The following SRGAP2B variants were observed in gnomAD, a reference collection of about 807,000 sequenced individuals.
SRGAP2B encodes SLIT-ROBO Rho GTPase-activating protein 2B.
In SRGAP2B, 9 loss-of-function variants were observed where a neutral mutation model predicts 22.2. The ratio of observed to expected loss-of-function variants is 0.41; its 90% CI spans 0.24 to 0.71. The LOEUF (loss-of-function observed/expected upper bound fraction) is 0.71. Among genes scored for constraint, SRGAP2B ranks in the 30% least tolerant of loss-of-function variants. The pLI, the probability that SRGAP2B is intolerant of heterozygous loss-of-function variation, is 0.35. For missense variants in SRGAP2B, 114 were observed against 235.8 expected (o/e 0.48, Z 3.38); for synonymous variants, 36 against 87.4 (o/e 0.41, Z 3.28).
intron 3 of SRGAP2B, among the ~76,000 whole-genome samples, chr1:144,957,022 A>T (rs1335033618): frequency 6.6e-6 from 1 of 150,728 alleles, no homozygotes; most frequent in African/African-American, 2.5e-5. Flanking sequence ...TAGACTAAAA[A>T]TTTTTAAACA....
At chr1:144,962,985 C>T (rs1336756237) in intron 3 of SRGAP2B, among the ~76,000 whole-genome samples, 1 of 150,900 alleles carries the variant, frequency 6.6e-6, no homozygotes, top group East Asian at 1.9e-4. Context: ...CCACAACCCA[C>T]ATCTTATCCT....
intron 4 of SRGAP2B, among the ~76,000 whole-genome samples, chr1:144,954,599 G>T (rs1396870083): frequency 6.6e-6 from 1 of 150,578 alleles, no homozygotes; most frequent in Non-Finnish European, 1.5e-5. Context: ...GGCCTTCACC[G>T]CTGTCTGTAA....
exon 10 of SRGAP2B, chr1:144,889,249 C>A (rs1339671390): frequency 6.7e-6 from 1 of 148,938 alleles, no homozygotes; most frequent in African/African-American, 2.6e-5. Context: ...GCTGCCATAT[C>A]TGGCCTATTT....
At chr1:144,957,988 A>C (rs1173214549) in intron 3 of SRGAP2B, among the ~76,000 whole-genome samples, 2 of 149,862 alleles carry the variant, frequency 1.3e-5, no homozygotes, top group Admixed American at 6.6e-5. Context: ...ATACACACAA[A>C]TAATGCCACA....
At chr1:144,988,998 ACT>A (rs1491113629) in intron 3 of SRGAP2B, among the ~76,000 whole-genome samples, 66 of 55,262 alleles carry the variant, frequency 1.2e-3, no homozygotes, top group African/African-American at 2.3e-3. Context: ...CACTCCCCCC[ACT>A]TTTTTTTTTT....
At chr1:144,893,977 T>C (rs1662245960) in intron 8 of SRGAP2B, among the ~76,000 whole-genome samples, 1 of 143,212 alleles carries the variant, frequency 7.0e-6, no homozygotes, top group Non-Finnish European at 1.5e-5. Context: ...ATCCAGGCCA[T>C]GCATGAGAGC....
At chr1:145,080,182 C>G (rs1652798776) in intron 2 of SRGAP2B, among the ~76,000 whole-genome samples, 3 of 149,530 alleles carry the variant, frequency 2.0e-5, no homozygotes, top group African/African-American at 5.1e-5. Flanking sequence ...CTCTAGAAGT[C>G]TCTGAGCTTA....
At chr1:144,925,620 G>T (rs1251617576) in intron 4 of SRGAP2B, among the ~76,000 whole-genome samples, 3 of 139,022 alleles carry the variant, frequency 2.2e-5, no homozygotes, top group African/African-American at 8.9e-5. Context: ...CTCCAGCCTG[G>T]GTGACAGAGC....
At chr1:145,093,675 C>A (rs1406238860) in intron 1 of SRGAP2B, among the ~76,000 whole-genome samples, 1 of 146,370 alleles carries the variant, frequency 6.8e-6, no homozygotes, top group Non-Finnish European at 1.5e-5. Context: ...GGGCTCCGGG[C>A]GGGAACTGCA....
rs1269223089 is a variant in SRGAP2B, at chr1:144,924,501, G to T, written c.424-9747C>A. On this transcript the variant is annotated intron_variant, in intron 4 of 9. Coordinates refer to ENST00000612199, the Ensembl canonical transcript of SRGAP2B. ...CACGCCTGTAATCCCAGCACTTTGG[G>T]AGGCCGAGGCGGGCGGATCACGAGG... 1.2e-3 allele frequency among the ~76,000 whole-genome samples: 178 copies of T among 149,924 alleles called. 1 individual carries two copies. The highest frequency in any genetic ancestry group is 4.2e-3 in the African/African-American group (170 of 40,048).
In SRGAP2B at chr1:144,905,402, G is replaced by A. The variant is rs1216417200; in HGVS notation, c.703-183C>T. On this transcript the variant is annotated intron_variant, in intron 6 of 9. Coordinates refer to ENST00000612199, the Ensembl canonical transcript of SRGAP2B. ...AAGGGCACAATGTAGATCAATTCAGGAAAGGTTAATGAGGCTCCCTACTTA... is the reference window on the plus strand; with the variant it reads ...AAGGGCACAATGTAGATCAATTCAGAAAAGGTTAATGAGGCTCCCTACTTA... 2.7e-5 allele frequency among the ~76,000 whole-genome samples: 4 copies of A among 149,898 alleles called. 1 individual carries two copies. The highest frequency in any genetic ancestry group is 5.9e-5 in the Non-Finnish European group (4 of 67,808).
At chr1:144,998,654 G>T (rs1239725417) in intron 2 of SRGAP2B, among the ~76,000 whole-genome samples, 2 of 150,624 alleles carry the variant, frequency 1.3e-5, no homozygotes, top group Non-Finnish European at 2.9e-5. Flanking sequence ...GAATGAAGAA[G>T]GAAAAAGAAG....
intron 3 of SRGAP2B, among the ~76,000 whole-genome samples, chr1:144,963,018 T>C (rs1447842414): frequency 2.0e-5 from 3 of 150,792 alleles, no homozygotes; most frequent in Non-Finnish European, 4.4e-5. Flanking sequence ...TGTGTGTACA[T>C]TGGCTTGGAT....
At chr1:144,983,586 TAATTTAATATTAGTGAAA>T (rs1669472338) in intron 3 of SRGAP2B, among the ~76,000 whole-genome samples, 1 of 75,726 alleles carries the variant, frequency 1.3e-5, no homozygotes, top group Non-Finnish European at 2.5e-5. Flanking sequence ...GATATTCTGC[TAATTTAATATTAGTGAAA>T]ATAGGAGATT....
intron 2 of SRGAP2B, among the ~76,000 whole-genome samples, chr1:145,068,261 A>G (rs540871): frequency 6.7e-5 from 10 of 148,328 alleles, no homozygotes; most frequent in Admixed American, 1.3e-4. Flanking sequence ...GGACTTCCTC[A>G]GTCTTGTTAA....
At chr1:144,911,723 T>C (rs1277675076) in intron 5 of SRGAP2B, among the ~76,000 whole-genome samples, 1 of 148,254 alleles carries the variant, frequency 6.7e-6, no homozygotes, top group Admixed American at 6.7e-5. Context: ...GTTCATGCCA[T>C]TCTCCTGCCT....
In SRGAP2B at chr1:144,894,117, A is replaced by ATC. The variant is rs1409454975; in HGVS notation, c.1054-610_1054-609dup. ...CATCATTTTACCAGGCCTTCCCTAGATCTGTAAGAGAGGAGTCTGACCTTC... is the reference window on the plus strand; with the variant it reads ...CATCATTTTACCAGGCCTTCCCTAGATCTCTGTAAGAGAGGAGTCTGACCTTC... On this transcript the variant is annotated intron_variant, in intron 8 of 9. Transcript: ENST00000612199. 7.5e-5 allele frequency among the ~76,000 whole-genome samples: 10 copies of ATC among 133,586 alleles called. No individual in the cohort carries two copies. The East Asian group carries it at 2.1e-3, about 28-fold the overall frequency. The allele number at this position is 133,586 out of a possible 152,430, so 87.6% of individuals were successfully genotyped here. A position where few individuals can be genotyped will look rare whatever the true frequency, so the allele number is the denominator to read the frequency against.
chr1:144,994,579 A>T (rs376517298), intron 3 of SRGAP2B, among the ~76,000 whole-genome samples: 10,042 of 143,738 alleles, frequency 0.07, 495 homozygotes, highest in Admixed American at 0.13. Context: ...AGAGAGAGAG[A>T]GAGAGAGAGA....
intron 3 of SRGAP2B, among the ~76,000 whole-genome samples, chr1:144,993,412 A>G (rs1312626971): frequency 6.6e-6 from 1 of 150,700 alleles, no homozygotes; most frequent in South Asian, 2.1e-4. Context: ...TATCAAAAAC[A>G]TAGATGGGCT....
Sources: allele counts gnomAD v4.1 joint callset (sites outside exome capture counted in the v4.1 genomes callset), GRCh38; gene constraint gnomAD v4.1.1; transcripts MANE v1.5; gene names NCBI Gene and HGNC (gene_info 2026-07-23, HGNC 2026-07-21).